Variants in RPL10A observed in about 807,000 individuals in gnomAD.
RPL10A encodes the protein ribosomal protein L10a.
In RPL10A, 11 loss-of-function variants were observed where a neutral mutation model predicts 24.6. The ratio of observed to expected loss-of-function variants is 0.45; its 90% CI spans 0.28 to 0.74. The LOEUF (loss-of-function observed/expected upper bound fraction) is 0.74, where lower values mean the gene tolerates loss of function less well. RPL10A is among the 30% of genes least tolerant of loss of function. The pLI is 0.13. For synonymous variants in RPL10A, 98 were observed against 108.5 expected (o/e 0.90, Z 0.60); for missense variants, 136 against 273.1 (o/e 0.50, Z 3.54).
rs774307694 is a variant in RPL10A, at chr6:35,468,442, G to A, written c.5+3G>A. 3 of 1,613,940 alleles carry A rather than the reference G, an allele frequency of 1.9e-6. No individual in the cohort carries two copies. Among genetic ancestry groups the A allele is most frequent in the African/African-American group, 1.3e-5 (1 of 74,932 alleles). On this transcript the variant is annotated splice_donor_region_variant and intron_variant, in intron 1 of 5. Coordinates refer to ENST00000322203, the MANE Select transcript of RPL10A (RefSeq NM_007104.5). ...AGCGCGGCGTGAGAAGCCATGAGGT[G>A]AGTTGGTCCTGAAAGCCCTATCCGC... is the stretch of plus-strand genomic sequence containing the variant.
chr6:35,469,134 G>C, intron 3 of RPL10A, 107 bp downstream of exon 3: 1 of 1,534,082 alleles, frequency 6.5e-7, no homozygotes, highest in South Asian at 1.2e-5. Context: ...GATGTGCTAG[G>C]GTAGTTCAGA....
chr6:35,469,280 C>T (rs542974437), intron 3 of RPL10A, 101 bp from the exon 4 acceptor site: 17 of 1,508,924 alleles, frequency 1.1e-5, no homozygotes, highest in African/African-American at 4.2e-5. Flanking sequence ...AATGTGAACG[C>T]TCCGGGTAAG....
rs529016719 is a variant in RPL10A, at chr6:35,468,460, C to G, written c.5+21C>G. ...ATGAGGTGAGTTGGTCCTGAAAGCC[C>G]TATCCGCGTTCATCCGCGCCTTCAG... On this transcript the variant is annotated intron_variant, in intron 1 of 5. Transcript: ENST00000322203. The G allele has an allele frequency of 2.4e-5, 39 of 1,613,996 alleles. No individual in the cohort carries two copies. In the South Asian group the frequency reaches 3.4e-4, roughly 14 times the overall value.
chr6:35,468,783 C>T lies in RPL10A; in HGVS notation c.6-16C>T. 1 of 1,578,594 alleles carries T rather than the reference C, an allele frequency of 6.3e-7. No homozygotes were observed. The highest frequency in any genetic ancestry group is 1.7e-4 in the Middle Eastern group (1 of 5,960). ...GACTCCGCGGCCCTGAGCGCCCTGT[C>T]GCTTCTCTCCCGCAGCAGCAAAGTC... is the stretch of plus-strand genomic sequence containing the variant. On this transcript the variant is annotated splice_polypyrimidine_tract_variant and intron_variant, in intron 1 of 5. Transcript: ENST00000322203.
At chr6:35,469,249 A>AC in intron 3 of RPL10A, 132 bp from the exon 4 acceptor site, 1 of 1,495,678 alleles carries the variant, frequency 6.7e-7, no homozygotes, top group Non-Finnish European at 8.9e-7. Context: ...CCAGCCTGAG[A>AC]AGCCAGGCTG....
chr6:35,470,053 T>G lies in RPL10A; in HGVS notation c.311-126T>G. On this transcript the variant is annotated intron_variant, in intron 4 of 5. Transcript: ENST00000322203. This position sits in a 1 kb window ranked among gnomAD's most constrained non-coding sequence, Gnocchi z 4.6. ...CTAGGGAAAAGACTGAGGCGGGGTC[T>G]TAGAGAGGGTGCTGCTTGGAGGTCA... 2 of 843,840 alleles carry G rather than the reference T, an allele frequency of 2.4e-6. No homozygotes were observed. Among genetic ancestry groups the G allele is most frequent in the Non-Finnish European group, 3.7e-6 (2 of 545,218 alleles). The allele number at this position is 843,840 out of a possible 1,614,324, so 52.3% of individuals were successfully genotyped here. A position where few individuals can be genotyped will look rare whatever the true frequency, so the allele number is the denominator to read the frequency against.
At position 35,468,447 on chromosome 6, in the gene RPL10A, G is replaced by T. The variant is rs1367965287; in HGVS notation, c.5+8G>T. On this transcript the variant is annotated splice_region_variant and intron_variant, in intron 1 of 5. Transcript: ENST00000322203. ...GGCGTGAGAAGCCATGAGGTGAGTT[G>T]GTCCTGAAAGCCCTATCCGCGTTCA... The T allele has an allele frequency of 3.7e-6, 6 of 1,614,028 alleles. No homozygotes were observed. Among genetic ancestry groups the T allele is most frequent in the Non-Finnish European group, 5.1e-6 (6 of 1,179,922 alleles).
Position 35,470,191 on chromosome 6 carries a change from A to T in RPL10A, c.323A>T (p.Asp108Val). Residue 108 changes from aspartate to valine, a missense_variant, in exon 5 of 6, where the codon GAT becomes GTT. Asp to Val is a radical substitution (Grantham distance 152). Transcript: ENST00000322203. This position sits in a 1 kb window ranked among gnomAD's most constrained non-coding sequence, Gnocchi z 4.6. ...CTCTCTCTATCAGCCAAGAAGTATG[A>T]TGCGTTTTTGGCCTCAGAGTCTCTG... ...KLVKKLAKKY[D>V]AFLASESLIK... 6.2e-7 allele frequency: 1 copy of T among 1,613,334 alleles called. No individual in the cohort carries two copies. The highest frequency in any genetic ancestry group is 2.2e-5 in the East Asian group (1 of 44,854).
intron 1 of RPL10A, 82 bp downstream of exon 1, chr6:35,468,521 C>A: frequency 6.2e-7 from 1 of 1,611,318 alleles, no homozygotes; most frequent in South Asian, 1.1e-5. Flanking sequence ...GTAGGCCGCG[C>A]CGCGGACCCT....
In RPL10A at chr6:35,470,417, C is replaced by CT. The variant is rs1768008509; in HGVS notation, c.483+67dup. The CT allele has an allele frequency of 6.5e-7, 1 of 1,547,334 alleles. No individual in the cohort carries two copies. The highest frequency in any genetic ancestry group is 1.8e-5 in the Admixed American group (1 of 55,512). The stretch of plus-strand genomic sequence containing the variant: ...CAGGGTCTAAATCTTATCCAAGTCT[C>CT]TAAATATGCCAGTAAGAGCACCCAC... On this transcript the variant is annotated intron_variant, in intron 5 of 5. Coordinates refer to ENST00000322203, the MANE Select transcript of RPL10A (RefSeq NM_007104.5). The surrounding 1 kb of genome is among the most constrained non-coding windows in gnomAD (Gnocchi z 4.6).
At position 35,470,046 on chromosome 6, in the gene RPL10A, C is replaced by A. The variant is rs373466737; in HGVS notation, c.311-133C>A. The stretch of plus-strand genomic sequence containing the variant: ...GTTTGGGCTAGGGAAAAGACTGAGG[C>A]GGGGTCTTAGAGAGGGTGCTGCTTG... On this transcript the variant is annotated intron_variant, in intron 4 of 5. Transcript: ENST00000322203. This position sits in a 1 kb window ranked among gnomAD's most constrained non-coding sequence, Gnocchi z 4.6. 1.2e-5 allele frequency: 9 copies of A among 758,234 alleles called. No homozygotes were observed. The highest frequency in any genetic ancestry group is 1.9e-5 in the Non-Finnish European group (9 of 476,596). 47.0% of individuals were successfully genotyped at this position (758,234 alleles called of 1,614,324 possible).
At position 35,470,550 on chromosome 6, in the gene RPL10A, C is replaced by A. The variant is rs1038742514; in HGVS notation, c.484-30C>A. The A allele has an allele frequency of 1.7e-5, 28 of 1,603,932 alleles. No individual in the cohort carries two copies. Among genetic ancestry groups the A allele is most frequent in the Non-Finnish European group, 2.2e-5 (26 of 1,172,498 alleles). On this transcript the variant is annotated intron_variant, in intron 5 of 5. Coordinates refer to ENST00000322203, the MANE Select transcript of RPL10A (RefSeq NM_007104.5). The surrounding 1 kb of genome is among the most constrained non-coding windows in gnomAD (Gnocchi z 4.6). ...GGCCATCTGCTATTCGTCCACCAAC[C>A]TGACTTGATCCTCTCTTCCCTCCTC...
chr6:35,470,213 T>C lies in RPL10A; in HGVS notation c.345T>C (p.Ser115=). 2 of 1,613,480 alleles carry C rather than the reference T, an allele frequency of 1.2e-6. No individual in the cohort carries two copies. Among genetic ancestry groups the C allele is most frequent in the Non-Finnish European group, 1.7e-6 (2 of 1,179,838 alleles). Residue 115 remains serine (S), a synonymous_variant, in exon 5 of 6, where the codon TCT becomes TCC. Transcript: ENST00000322203. The surrounding 1 kb of genome is among the most constrained non-coding windows in gnomAD (Gnocchi z 4.6). ...KKYDAFLASE[S]LIKQIPRILG... is the part of the protein sequence containing the mutation. ...ATGATGCGTTTTTGGCCTCAGAGTC[T>C]CTGATCAAGCAGATTCCACGAATCC...
intron 3 of RPL10A, 38 bp from the exon 4 acceptor site, chr6:35,469,343 C>G (rs1767973907): frequency 6.4e-7 from 1 of 1,556,510 alleles, no homozygotes. Flanking sequence ...GGACCCAGGG[C>G]TAGGCGTAAC....
chr6:35,469,536 C>A lies in RPL10A; in HGVS notation c.310+7C>A, dbSNP rs1457909525. 9 of 1,611,354 alleles carry A rather than the reference C, an allele frequency of 5.6e-6. No individual in the cohort carries two copies. Among genetic ancestry groups the A allele is most frequent in the South Asian group, 2.2e-5 (2 of 90,690 alleles). ...AAACTGGTCAAGAAGCTGGGTGAGT[C>A]CGGCCGCTGTGGTTTTGCATGTGAG... On this transcript the variant is annotated splice_region_variant and intron_variant, in intron 4 of 5. Transcript: ENST00000322203.
rs527929227 is a variant in RPL10A at position 35,470,174 on chromosome 6, A to G, written c.311-5A>G. The G allele has an allele frequency of 1.5e-5, 24 of 1,611,352 alleles. No homozygotes were observed. In the South Asian group the frequency reaches 2.0e-4, roughly 13 times the overall value. On this transcript the variant is annotated splice_polypyrimidine_tract_variant and splice_region_variant and intron_variant, in intron 4 of 5. Coordinates refer to ENST00000322203, the MANE Select transcript of RPL10A (RefSeq NM_007104.5). This position sits in a 1 kb window ranked among gnomAD's most constrained non-coding sequence, Gnocchi z 4.6. ...GCAATGCCAATGGCTTCCTCTCTCTATCAGCCAAGAAGTATGATGCGTTTT... is the reference window on the plus strand; with the variant it reads ...GCAATGCCAATGGCTTCCTCTCTCTGTCAGCCAAGAAGTATGATGCGTTTT...
chr6:35,468,616 C>G, intron 1 of RPL10A, 177 bp downstream of exon 1: 1 of 1,530,002 alleles, frequency 6.5e-7, no homozygotes, highest in Non-Finnish European at 8.8e-7. Flanking sequence ...CTGAGAGCCT[C>G]CCTCTTCCAC....
Position 35,470,115 on chromosome 6 carries a change from A to C in RPL10A, c.311-64A>C. The C allele has an allele frequency of 6.6e-7, 1 of 1,504,242 alleles. No individual in the cohort carries two copies. The highest frequency in any genetic ancestry group is 9.1e-7 in the Non-Finnish European group (1 of 1,099,002). 93.2% of individuals were successfully genotyped at this position (1,504,242 alleles called of 1,614,324 possible). A position where few individuals can be genotyped will look rare whatever the true frequency, so the allele number is the denominator to read the frequency against. ...GATTCAAGTGCGTTTCTGGCCTGCC[A>C]CATTTGAGGTGTGCCTTGGTGACCA... On this transcript the variant is annotated intron_variant, in intron 4 of 5. Transcript: ENST00000322203. This position sits in a 1 kb window ranked among gnomAD's most constrained non-coding sequence, Gnocchi z 4.6.
intron 1 of RPL10A, 89 bp downstream of exon 1, chr6:35,468,528 C>CCCTTGCGCCA: frequency 6.2e-7 from 1 of 1,610,344 alleles, no homozygotes; most frequent in Non-Finnish European, 8.5e-7. Context: ...GCGCCGCGGA[C>CCCTTGCGCCA]CCTTGCGCCA....
Sources: gnomAD v4.1 joint callset for allele counts on GRCh38, gnomAD v4.1.1 for gene constraint, Gnocchi (gnomAD v3.1) non-coding constraint, MANE v1.5 for transcripts, NCBI Gene and HGNC (gene_info 2026-07-23, HGNC 2026-07-21) for gene names.